GABRB3: variants seen among roughly 807,000 people sequenced by gnomAD.
The protein encoded by GABRB3 is gamma-aminobutyric acid receptor subunit beta-3.
GABRB3 carries 14 observed loss-of-function variants against 52.1 expected under a neutral mutation model. That is an observed-to-expected ratio of 0.27 (90% CI 0.18 to 0.42). The LOEUF is 0.42. GABRB3 is among the 10% of genes least tolerant of loss of function. The pLI is 1.00. For missense variants in GABRB3, 307 were observed against 609.1 expected (o/e 0.50, Z 5.22); for synonymous variants, 260 against 232.3 (o/e 1.12, Z -1.08).
intron 3 of GABRB3, among the ~76,000 whole-genome samples, chr15:26,755,347 G>GA (rs1890633366): frequency 6.6e-6 from 1 of 152,028 alleles, no homozygotes; most frequent in Non-Finnish European, 1.5e-5. Flanking sequence ...CCTGACTTCT[G>GA]AGAAACATTT....
chr15:26,669,512 C>T (rs1887821695), intron 3 of GABRB3, among the ~76,000 whole-genome samples: 1 of 152,050 alleles, frequency 6.6e-6, no homozygotes, highest in Admixed American at 6.5e-5. Context: ...ATTGATAGTT[C>T]ACACCACAAC....
At chr15:26,732,636 C>T (rs540727760) in intron 3 of GABRB3, among the ~76,000 whole-genome samples, 16 of 151,006 alleles carry the variant, frequency 1.1e-4, no homozygotes, top group South Asian at 2.1e-4. Flanking sequence ...GGCACTATCT[C>T]GACTCACTGC....
At chr15:26,631,146 C>T (rs1439450463) in intron 3 of GABRB3, among the ~76,000 whole-genome samples, 1 of 152,176 alleles carries the variant, frequency 6.6e-6, no homozygotes, top group Non-Finnish European at 1.5e-5. Flanking sequence ...GAGCCACCCA[C>T]AAGTGAAGCA....
At chr15:26,662,455 C>T (rs1210742324) in intron 3 of GABRB3, among the ~76,000 whole-genome samples, 3 of 152,162 alleles carry the variant, frequency 2.0e-5, no homozygotes, top group Non-Finnish European at 4.4e-5. Context: ...CAGCCAGGGG[C>T]ATTTCCACAG....
intron 4 of GABRB3, among the ~76,000 whole-genome samples, chr15:26,618,397 G>C (rs1483397836): frequency 1.3e-5 from 2 of 151,830 alleles, no homozygotes; most frequent in Non-Finnish European, 2.9e-5. Context: ...ACAAACCTGA[G>C]AAAAACAAGC....
At chr15:26,740,753 A>C (rs1054736975) in intron 3 of GABRB3, among the ~76,000 whole-genome samples, 1 of 152,118 alleles carries the variant, frequency 6.6e-6, no homozygotes, top group African/African-American at 2.4e-5. Flanking sequence ...CGTGATGGTC[A>C]GTTTTGGTGG....
At chr15:26,715,870 T>C (rs1731044874) in intron 3 of GABRB3, among the ~76,000 whole-genome samples, 1 of 152,194 alleles carries the variant, frequency 6.6e-6, no homozygotes, top group South Asian at 2.1e-4. Flanking sequence ...ATTTATAATG[T>C]ATAGAATGTG....
chr15:26,706,739 G>A (rs1889115971), intron 3 of GABRB3, among the ~76,000 whole-genome samples: 2 of 152,114 alleles, frequency 1.3e-5, no homozygotes, highest in African/African-American at 4.8e-5. Flanking sequence ...GGAAGGGTGT[G>A]TTTTTTCATT....
chr15:26,560,371 C>T (rs1372251162), intron 8 of GABRB3, among the ~76,000 whole-genome samples: 1 of 152,198 alleles, frequency 6.6e-6, no homozygotes. Flanking sequence ...TTGCCAGCTC[C>T]ATGTTGACCC....
At chr15:26,644,228 T>A (rs1384755668) in intron 3 of GABRB3, among the ~76,000 whole-genome samples, 1 of 152,240 alleles carries the variant, frequency 6.6e-6, no homozygotes, top group Non-Finnish European at 1.5e-5. Flanking sequence ...AATCTCAGTC[T>A]TCCTGCTACA....
intron 3 of GABRB3, among the ~76,000 whole-genome samples, chr15:26,769,193 CA>C (rs1216621278): frequency 6.6e-6 from 1 of 152,192 alleles, no homozygotes; most frequent in African/African-American, 2.4e-5. Context: ...CATCTCTCCC[CA>C]TTTTGAGATA....
rs76350455 is a variant in GABRB3 at position 26,624,333 on chromosome 15, G to A, written c.241-2799C>T. On this transcript the variant is annotated intron_variant, in intron 3 of 8. Coordinates refer to ENST00000311550, the MANE Select transcript of GABRB3 (RefSeq NM_000814.6). ...TACTATCACCCTCCATGTTACACTC[G>A]TATTGAAATAGAAGTTTCACTTGTT... The A allele has an allele frequency of 6.1e-4, 598 of 985,542 alleles. 11 individuals carry two copies. In the East Asian group the frequency reaches 0.036, roughly 60 times the overall value. The allele number at this position is 985,542 out of a possible 1,614,324, so 61.0% of individuals were successfully genotyped here.
intron 3 of GABRB3, among the ~76,000 whole-genome samples, chr15:26,694,076 T>C (rs1888664015): frequency 1.3e-5 from 2 of 152,026 alleles, no homozygotes; most frequent in Non-Finnish European, 2.9e-5. Context: ...TAGTAACATA[T>C]GTAACAGCCT....
At chr15:26,755,274 G>A (rs963924226) in intron 3 of GABRB3, among the ~76,000 whole-genome samples, 2 of 151,958 alleles carry the variant, frequency 1.3e-5, no homozygotes, top group Non-Finnish European at 2.9e-5. Context: ...CAAAGTGCTG[G>A]GATTACAGGT....
At chr15:26,594,653 G>C (rs1054911065) in intron 4 of GABRB3, among the ~76,000 whole-genome samples, 3 of 152,018 alleles carry the variant, frequency 2.0e-5, no homozygotes, top group Non-Finnish European at 4.4e-5. Context: ...GCACCAACAT[G>C]CCTGGCTAGA....
intron 4 of GABRB3, among the ~76,000 whole-genome samples, chr15:26,591,131 A>G (rs1478575925): frequency 6.6e-6 from 1 of 152,162 alleles, no homozygotes; most frequent in Non-Finnish European, 1.5e-5. Context: ...AGCCAGCCAG[A>G]ATCAGCAGAG....
intron 3 of GABRB3, among the ~76,000 whole-genome samples, chr15:26,753,126 G>A (rs1890561889): frequency 1.3e-5 from 2 of 152,198 alleles, no homozygotes; most frequent in African/African-American, 4.8e-5. Context: ...AGCTGCCCCA[G>A]GCACTGAGGG....
chr15:26,659,040 C>T (rs977168578), intron 3 of GABRB3, among the ~76,000 whole-genome samples: 5 of 152,146 alleles, frequency 3.3e-5, no homozygotes, highest in African/African-American at 4.8e-5. Context: ...AGGCTGCATC[C>T]ACTCTATTTT....
intron 1 of GABRB3, 44 bp from the exon 2 acceptor site, chr15:26,772,816 C>T: frequency 6.7e-7 from 1 of 1,490,548 alleles, no homozygotes; most frequent in Non-Finnish European, 8.9e-7. Flanking sequence ...TCAGGGGCGG[C>T]TCAGCCGCCA....
Sources: gnomAD v4.1 joint callset for allele counts (sites outside exome capture counted in the v4.1 genomes callset) on GRCh38, gnomAD v4.1.1 for gene constraint, MANE v1.5 for transcripts, NCBI Gene and HGNC (gene_info 2026-07-23, HGNC 2026-07-21) for gene names.